The following PDXK variants were observed in gnomAD, a reference collection of about 807,000 sequenced individuals.
PDXK encodes epididymis secretory sperm binding protein Li 1a.
Under a neutral mutation model 43.2 loss-of-function variants are expected in PDXK, and 15 were observed. The observed-to-expected ratio is 0.35, with a 90% CI of 0.23 to 0.53. PDXK has a LOEUF of 0.53. Among genes scored for constraint, PDXK ranks in the 20% least tolerant of loss-of-function variants. The probability of loss-of-function intolerance (pLI) is 0.92; values close to 1 mark genes in which losing one functional copy is unlikely to be tolerated. For synonymous variants in PDXK, 172 were observed against 165.4 expected (o/e 1.04, Z -0.31); for missense variants, 343 against 417.0 (o/e 0.82, Z 1.54).
At chr21:43,725,335 A>AAACAC (rs1468556017) in intron 1 of PDXK, among the ~76,000 whole-genome samples, 1 of 152,062 alleles carries the variant, frequency 6.6e-6, no homozygotes, top group African/African-American at 2.4e-5. Flanking sequence ...AAACAAAACA[A>AAACAC]AACACCTGGT....
intron 7 of PDXK, among the ~76,000 whole-genome samples, chr21:43,751,234 G>C (rs2083746054): frequency 6.6e-6 from 1 of 152,218 alleles, no homozygotes; most frequent in African/African-American, 2.4e-5. Context: ...CAAAATGCCT[G>C]AGACTGGATG....
Position 43,737,296 on chromosome 21 carries a change from G to C in PDXK, c.142+3173G>C. The C allele has an allele frequency of 7.2e-7, 1 of 1,397,460 alleles. No homozygotes were observed. 86.6% of individuals were successfully genotyped at this position (1,397,460 alleles called of 1,614,324 possible). A position where few individuals can be genotyped will look rare whatever the true frequency, so the allele number is the denominator to read the frequency against. ...CACCTGGCGCAGGCCTCGCCGCCTCGAGGCTGCTGCTCGCACTTCTGCCCC... is the reference window on the plus strand; with the variant it reads ...CACCTGGCGCAGGCCTCGCCGCCTCCAGGCTGCTGCTCGCACTTCTGCCCC... On this transcript the variant is annotated intron_variant, in intron 2 of 10. Transcript: ENST00000291565. This position sits in a 1 kb window ranked among gnomAD's most constrained non-coding sequence, Gnocchi z 4.8.
rs1309111289 is a variant in PDXK at position 43,757,420 on chromosome 21, G to C, written c.*1357G>C. 1 of 152,278 alleles carries C rather than the reference G, an allele frequency of 6.6e-6. No homozygotes were observed. The highest frequency in any genetic ancestry group is 2.4e-5 in the African/African-American group (1 of 41,436). The allele number at this position is 152,278 out of a possible 1,614,324, so 9.4% of individuals were successfully genotyped here. ...GAGATGCAGGAAGTGGGGGCCCATG[G>C]GGCCCCCAAGAAGCGGACTCTCCAA... is the stretch of plus-strand genomic sequence containing the variant. On this transcript the variant is annotated 3_prime_UTR_variant, in exon 11 of 11. Coordinates refer to ENST00000291565, the MANE Select transcript of PDXK (RefSeq NM_003681.5).
At position 43,723,170 on chromosome 21, in the gene PDXK, T is replaced by G. The variant is rs2083222361; in HGVS notation, c.87+3789T>G. On this transcript the variant is annotated intron_variant, in intron 1 of 10. Coordinates refer to ENST00000291565, the MANE Select transcript of PDXK (RefSeq NM_003681.5). The surrounding 1 kb of genome is among the most constrained non-coding windows in gnomAD (Gnocchi z 4.1). ...TTCTTTTTCTTTCTTTTTTTTTTTT[T>G]TGAGACGAGGGTCTCACTCTGTCGC... Among the ~76,000 whole-genome samples the G allele has an allele frequency of 6.6e-6, 1 of 150,978 alleles. No homozygotes were observed.
chr21:43,748,916 G>T, intron 5 of PDXK, 79 bp from the exon 6 acceptor site: 1 of 841,508 alleles, frequency 1.2e-6, no homozygotes. Flanking sequence ...AGCACTCCGT[G>T]GTGGGCTTCC....
Position 43,760,499 on chromosome 21 carries a change from A to G in PDXK, c.*4436A>G, listed in dbSNP as rs3211246. 0.21 allele frequency: 32,228 copies of G among 152,044 alleles called. 3,689 individuals carry two copies. The highest frequency in any genetic ancestry group is 0.24 in the Non-Finnish European group (16,103 of 67,984). 9.4% of individuals were successfully genotyped at this position (152,044 alleles called of 1,614,324 possible). A position where few individuals can be genotyped will look rare whatever the true frequency, so the allele number is the denominator to read the frequency against. ...GCGGAATCTTGGAATTTTTATAGAC[A>G]GCACCTCAGTTTCTGACTCCAGCCG... On this transcript the variant is annotated 3_prime_UTR_variant, in exon 11 of 11. Transcript: ENST00000291565.
At position 43,719,340 on chromosome 21, in the gene PDXK, C is replaced by CGCGGCTACGTGGGCAACCGG; in HGVS notation, c.52_71dup (p.Phe26TrpfsTer20). ...GCTCTCCATACAGAGCCACGTCATC[C>CGCGGCTACGTGGGCAACCGG]GCGGCTACGTGGGCAACCGGGCGGC... On this transcript the variant is annotated frameshift_variant, in exon 1 of 11. Transcript: ENST00000291565. LOFTEE classifies it high-confidence loss of function. 1 of 1,525,592 alleles carries CGCGGCTACGTGGGCAACCGG rather than the reference C, an allele frequency of 6.6e-7. No homozygotes were observed. Among genetic ancestry groups the CGCGGCTACGTGGGCAACCGG allele is most frequent in the Non-Finnish European group, 8.8e-7 (1 of 1,137,818 alleles). 94.5% of individuals were successfully genotyped at this position (1,525,592 alleles called of 1,614,324 possible).
Position 43,737,393 on chromosome 21 carries a change from G to T in PDXK, c.142+3270G>T. 1 of 1,175,556 alleles carries T rather than the reference G, an allele frequency of 8.5e-7. No individual in the cohort carries two copies. The highest frequency in any genetic ancestry group is 1.1e-6 in the Non-Finnish European group (1 of 944,728). The allele number at this position is 1,175,556 out of a possible 1,614,324, so 72.8% of individuals were successfully genotyped here. A position where few individuals can be genotyped will look rare whatever the true frequency, so the allele number is the denominator to read the frequency against. The stretch of plus-strand genomic sequence containing the variant: ...GTTCATTTTTCCACACCGTGAGCTG[G>T]GCTTGGCAGAGCCTCCACCTTGTGG... On this transcript the variant is annotated intron_variant, in intron 2 of 10. Transcript: ENST00000291565. The surrounding 1 kb of genome is among the most constrained non-coding windows in gnomAD (Gnocchi z 4.8).
Position 43,760,604 on chromosome 21 carries a change from GGAT to G in PDXK, c.*4543_*4545del, listed in dbSNP as rs1042146193. 3 of 152,272 alleles carry G rather than the reference GGAT, an allele frequency of 2.0e-5. No homozygotes were observed. Among genetic ancestry groups the G allele is most frequent in the Admixed American group, 1.3e-4 (2 of 15,294 alleles). The allele number at this position is 152,272 out of a possible 1,614,324, so 9.4% of individuals were successfully genotyped here. A position where few individuals can be genotyped will look rare whatever the true frequency, so the allele number is the denominator to read the frequency against. ...GTCCCTGCGTCCATCCCCCCCGGTA[GGAT>G]GGACGTGAGCCATCCTTCTAGGGGA... On this transcript the variant is annotated 3_prime_UTR_variant, in exon 11 of 11. Transcript: ENST00000291565.
chr21:43,719,553 G>A, intron 1 of PDXK, 172 bp downstream of exon 1: 2 of 969,108 alleles, frequency 2.1e-6, no homozygotes, highest in South Asian at 9.5e-5. Context: ...TTGGCTTGCG[G>A]GGGCGGAAGC....
chr21:43,754,221 G>A lies in PDXK; in HGVS notation c.759+502G>A, dbSNP rs566787542. ...GGGGTCCAGGCAGGTGTGGAGAGCC[G>A]TCTTTCTGGGCGTTTTGTCTGGATG... is the stretch of plus-strand genomic sequence containing the variant. On this transcript the variant is annotated intron_variant, in intron 9 of 10. Coordinates refer to ENST00000291565, the MANE Select transcript of PDXK (RefSeq NM_003681.5). The surrounding 1 kb of genome is among the most constrained non-coding windows in gnomAD (Gnocchi z 5.5). Among the ~76,000 whole-genome samples the A allele has an allele frequency of 2.6e-5, 4 of 152,330 alleles. No homozygotes were observed. Among genetic ancestry groups the A allele is most frequent in the South Asian group, 2.1e-4 (1 of 4,822 alleles).
intron 8 of PDXK, 118 bp downstream of exon 8, chr21:43,752,747 G>T: frequency 1.6e-6 from 1 of 640,222 alleles, no homozygotes; most frequent in South Asian, 1.8e-5. Flanking sequence ...ATCCAGCACC[G>T]GGATGACACC....
At chr21:43,747,881 C>G (rs957271018) in intron 5 of PDXK, among the ~76,000 whole-genome samples, 2 of 152,214 alleles carry the variant, frequency 1.3e-5, no homozygotes, top group Non-Finnish European at 2.9e-5. Context: ...CAAAATGGGG[C>G]TCTAAAGAGC....
At chr21:43,755,859 C>T (rs984653391) in intron 10 of PDXK, 92 bp from the exon 11 acceptor site, 56 of 1,440,326 alleles carry the variant, frequency 3.9e-5, no homozygotes, top group Non-Finnish European at 4.5e-5. Flanking sequence ...AAGGTGTGAT[C>T]GGTGTCTCCT....
chr21:43,753,333 C>A (rs1020584887), intron 8 of PDXK, among the ~76,000 whole-genome samples: 1 of 152,010 alleles, frequency 6.6e-6, no homozygotes, highest in East Asian at 1.9e-4. Context: ...TCGTTACTCT[C>A]GGGAGTTTCA....
rs552836467 is a variant in PDXK at position 43,732,871 on chromosome 21, C to T, written c.88-1198C>T. 8.5e-5 allele frequency among the ~76,000 whole-genome samples: 13 copies of T among 152,234 alleles called. No individual in the cohort carries two copies. The South Asian group carries it at 1.0e-3, about 12-fold the overall frequency. On this transcript the variant is annotated intron_variant, in intron 1 of 10. Transcript: ENST00000291565. The surrounding 1 kb of genome is among the most constrained non-coding windows in gnomAD (Gnocchi z 4.1). ...CAGTGATCCTCCCACCTCAGCCTCCCGAGTAGCTGGGACTACAGACATGTG... is the reference window on the plus strand; with the variant it reads ...CAGTGATCCTCCCACCTCAGCCTCCTGAGTAGCTGGGACTACAGACATGTG...
In PDXK at chr21:43,734,394, G is replaced by A. The variant is rs1461632616; in HGVS notation, c.142+271G>A. ...CCCAGTGCAGGTGGCAGAACCTCTC[G>A]GTGCTTCAGTTTCCTTCTCTGTAAG... On this transcript the variant is annotated intron_variant, in intron 2 of 10. Transcript: ENST00000291565. The surrounding 1 kb of genome is among the most constrained non-coding windows in gnomAD (Gnocchi z 5.0). 6.6e-6 allele frequency among the ~76,000 whole-genome samples: 1 copy of A among 152,138 alleles called. No homozygotes were observed. Among genetic ancestry groups the A allele is most frequent in the East Asian group, 1.9e-4 (1 of 5,180 alleles).
chr21:43,747,802 C>T (rs1233527053), intron 5 of PDXK, among the ~76,000 whole-genome samples: 1 of 152,254 alleles, frequency 6.6e-6, no homozygotes, highest in African/African-American at 2.4e-5. Flanking sequence ...GAGCTCCTGT[C>T]TCAGATGAGC....
In PDXK at chr21:43,737,435, C is replaced by G. The variant is rs2083424148; in HGVS notation, c.142+3312C>G. On this transcript the variant is annotated intron_variant, in intron 2 of 10. Coordinates refer to ENST00000291565, the MANE Select transcript of PDXK (RefSeq NM_003681.5). The surrounding 1 kb of genome is among the most constrained non-coding windows in gnomAD (Gnocchi z 4.8). ...ACCTTGTGGCCAGTATTCCCAGTGG[C>G]CCCTTTGAGAGGATTTCCTGGAGCT... The G allele has an allele frequency of 9.2e-7, 1 of 1,092,526 alleles. No individual in the cohort carries two copies. The highest frequency in any genetic ancestry group is 1.1e-6 in the Non-Finnish European group (1 of 893,596). 67.7% of individuals were successfully genotyped at this position (1,092,526 alleles called of 1,614,324 possible).
Sources: allele counts gnomAD v4.1 joint callset (sites outside exome capture counted in the v4.1 genomes callset), GRCh38; gene constraint gnomAD v4.1.1; non-coding constraint Gnocchi (gnomAD v3.1); transcripts MANE v1.5; gene names NCBI Gene and HGNC (gene_info 2026-07-23, HGNC 2026-07-21).